TOX: variants seen among roughly 807,000 people sequenced by gnomAD.
TOX encodes the protein thymocyte selection-associated high mobility group box protein TOX.
In TOX, 11 loss-of-function variants were observed where a neutral mutation model predicts 53.7. That is an observed-to-expected ratio of 0.20 (90% confidence interval 0.13 to 0.34). The LOEUF (loss-of-function observed/expected upper bound fraction) is 0.34. Ranked by LOEUF, TOX falls within the 10% of genes least tolerant of loss-of-function variation. The probability of loss-of-function intolerance (pLI) is 1.00; values close to 1 mark genes in which losing one functional copy is unlikely to be tolerated. For missense variants in TOX, 570 were observed against 664.6 expected, an observed-to-expected ratio of 0.86 and a Z score of 1.56; for synonymous variants, 225 against 245.3, an observed-to-expected ratio of 0.92 and a Z score of 0.77.
intron 1 of TOX, among the ~76,000 whole-genome samples, chr8:58,987,971 A>G (rs1813364798): frequency 6.6e-6 from 1 of 152,218 alleles, no homozygotes; most frequent in African/African-American, 2.4e-5. Context: ...AACTAGTTGA[A>G]AGTAATACAG....
chr8:58,927,569 CTG>C (rs1563391627), intron 3 of TOX, among the ~76,000 whole-genome samples: 1 of 152,152 alleles, frequency 6.6e-6, no homozygotes, highest in Non-Finnish European at 1.5e-5. Flanking sequence ...AAGAAGAAAA[CTG>C]TGTGTAAAAC....
chr8:58,922,202 A>G (rs780657297), intron 3 of TOX, among the ~76,000 whole-genome samples: 1 of 152,158 alleles, frequency 6.6e-6, no homozygotes, highest in Non-Finnish European at 1.5e-5. Flanking sequence ...TCATATCTGT[A>G]TACTTTCTTG....
chr8:58,931,060 G>A (rs1353284811), intron 3 of TOX, among the ~76,000 whole-genome samples: 1 of 152,120 alleles, frequency 6.6e-6, no homozygotes, highest in Non-Finnish European at 1.5e-5. Context: ...CTTTTCAGAT[G>A]TTTGCCTTTA....
intron 1 of TOX, among the ~76,000 whole-genome samples, chr8:59,012,131 A>G (rs559821127): frequency 1.3e-5 from 2 of 152,220 alleles, no homozygotes; most frequent in South Asian, 2.1e-4. Context: ...TGATGTGGCT[A>G]TAAGTAAAAA....
At chr8:58,890,460 T>C (rs1811543292) in intron 3 of TOX, among the ~76,000 whole-genome samples, 1 of 152,116 alleles carries the variant, frequency 6.6e-6, no homozygotes, top group African/African-American at 2.4e-5. Context: ...CAGGAAAGCA[T>C]AAGAAGCGTT....
intron 3 of TOX, among the ~76,000 whole-genome samples, chr8:58,854,919 T>C (rs1810889336): frequency 6.6e-6 from 1 of 152,164 alleles, no homozygotes; most frequent in African/African-American, 2.4e-5. Context: ...TTACTGAAAA[T>C]ATGAATAATT....
chr8:59,088,578 G>A (rs917417550), intron 1 of TOX, among the ~76,000 whole-genome samples: 9 of 152,178 alleles, frequency 5.9e-5, no homozygotes, highest in African/African-American at 2.4e-5. Flanking sequence ...AAAACAGAAA[G>A]CTGATAACAA....
intron 3 of TOX, among the ~76,000 whole-genome samples, chr8:58,888,056 T>C (rs902068395): frequency 6.6e-6 from 1 of 152,078 alleles, no homozygotes; most frequent in African/African-American, 2.4e-5. Flanking sequence ...GTGACTGAAC[T>C]GAATATTGTA....
chr8:59,087,626 C>T (rs1804535383), intron 1 of TOX, among the ~76,000 whole-genome samples: 1 of 152,150 alleles, frequency 6.6e-6, no homozygotes, highest in Non-Finnish European at 1.5e-5. Flanking sequence ...GAAATGTTAA[C>T]ATGTAATGCC....
In TOX at chr8:58,963,312, T is replaced by TAG. The variant is rs1563402350; in HGVS notation, c.103-3305_103-3304insCT. On this transcript the variant is annotated intron_variant, in intron 1 of 8. Coordinates refer to ENST00000361421, the MANE Select transcript of TOX (RefSeq NM_014729.3). The stretch of plus-strand genomic sequence containing the variant: ...GATAGAAGATAGATAGATAGATATA[T>TAG]ATATAGATAGATAGATAGATAGATA... Among the ~76,000 whole-genome samples the TAG allele has an allele frequency of 8.3e-3, 854 of 103,286 alleles. 6 individuals are homozygous for TAG. Among genetic ancestry groups the TAG allele is most frequent in the African/African-American group, 0.015 (427 of 29,162 alleles). The allele number at this position is 103,286 out of a possible 152,430, so 67.8% of individuals were successfully genotyped here. A position where few individuals can be genotyped will look rare whatever the true frequency, so the allele number is the denominator to read the frequency against.
rs6986391 is a variant in TOX at position 59,115,998 on chromosome 8, A to G, written c.102+2888T>C. Among the ~76,000 whole-genome samples the G allele has an allele frequency of 4.9e-3, 745 of 152,302 alleles. 13 individuals are homozygous for G. The highest frequency in any genetic ancestry group is 0.017 in the African/African-American group (707 of 41,550). ...CAGCAGTGCCGGAAAGTGTCAGCAG[A>G]GTAAAACAATCACATTTTAGTTTAG... On this transcript the variant is annotated intron_variant, in intron 1 of 8. Coordinates refer to ENST00000361421, the MANE Select transcript of TOX (RefSeq NM_014729.3).
chr8:59,050,243 T>C (rs1267693477), intron 1 of TOX, among the ~76,000 whole-genome samples: 1 of 152,134 alleles, frequency 6.6e-6, no homozygotes, highest in East Asian at 1.9e-4. Context: ...GGAAAGCAGA[T>C]ACAATGAAGC....
chr8:58,977,925 A>G (rs934309136), intron 1 of TOX, among the ~76,000 whole-genome samples: 4 of 152,242 alleles, frequency 2.6e-5, no homozygotes, highest in African/African-American at 9.6e-5. Flanking sequence ...AATTACTGAA[A>G]TGTGACACAG....
At chr8:58,861,031 T>G (rs1457233286) in intron 3 of TOX, among the ~76,000 whole-genome samples, 1 of 152,196 alleles carries the variant, frequency 6.6e-6, no homozygotes, top group African/African-American at 2.4e-5. Context: ...TTCATGCCAA[T>G]GCCATTTGTT....
intron 1 of TOX, among the ~76,000 whole-genome samples, chr8:59,043,894 T>C (rs1803639821): frequency 6.6e-6 from 1 of 152,162 alleles, no homozygotes; most frequent in Non-Finnish European, 1.5e-5. Context: ...CCAAATACAG[T>C]AGAGAGGGAC....
chr8:58,825,267 A>C (rs1810347087), intron 6 of TOX, among the ~76,000 whole-genome samples: 1 of 152,204 alleles, frequency 6.6e-6, no homozygotes, highest in African/African-American at 2.4e-5. Context: ...GTTGTACATA[A>C]ATAGATATTC....
chr8:58,968,837 T>C (rs1196610357), intron 1 of TOX, among the ~76,000 whole-genome samples: 1 of 152,098 alleles, frequency 6.6e-6, no homozygotes, highest in Non-Finnish European at 1.5e-5. Flanking sequence ...CTGGAAAGGT[T>C]ATGGGAAGAG....
At chr8:59,021,481 A>AATATATATATATAT (rs55755723) in intron 1 of TOX, among the ~76,000 whole-genome samples, 60 of 64,718 alleles carry the variant, frequency 9.3e-4, no homozygotes, top group Non-Finnish European at 1.3e-3. Flanking sequence ...AAAAAAAAAA[A>AATATATATATATAT]ATATATATAT....
chr8:58,827,132 C>T (rs911904128), intron 5 of TOX, among the ~76,000 whole-genome samples: 8 of 152,094 alleles, frequency 5.3e-5, no homozygotes, highest in African/African-American at 1.9e-4. Context: ...TACACTTTTA[C>T]ATAAAACATA....
Sources: allele counts gnomAD v4.1 joint callset (sites outside exome capture counted in the v4.1 genomes callset), GRCh38; gene constraint gnomAD v4.1.1; transcripts MANE v1.5; gene names NCBI Gene and HGNC (gene_info 2026-07-23, HGNC 2026-07-21).